SLC35F1: variants seen among roughly 807,000 people sequenced by gnomAD.
SLC35F1 encodes the protein chromosome 6 open reading frame 169.
Under a neutral mutation model 48.7 loss-of-function variants are expected in SLC35F1, and 14 were observed. The ratio of observed to expected loss-of-function variants is 0.29; its 90% CI spans 0.19 to 0.45. SLC35F1 has a LOEUF of 0.45. Ranked by LOEUF, SLC35F1 falls within the 20% of genes least tolerant of loss-of-function variation. SLC35F1 has a pLI of 1.00. For missense variants in SLC35F1, 404 were observed against 500.0 expected, an observed-to-expected ratio of 0.81 and a Z score of 1.83; for synonymous variants, 190 against 202.2, an observed-to-expected ratio of 0.94 and a Z score of 0.51.
At chr6:118,310,375 T>C (rs905311203) in intron 7 of SLC35F1, among the ~76,000 whole-genome samples, 3 of 152,224 alleles carry the variant, frequency 2.0e-5, no homozygotes, top group Non-Finnish European at 4.4e-5. Flanking sequence ...ACAATACTTT[T>C]GTCTGGTTGA....
intron 2 of SLC35F1, among the ~76,000 whole-genome samples, chr6:118,158,935 G>A (rs989833871): frequency 9.2e-5 from 14 of 152,058 alleles, no homozygotes; most frequent in Non-Finnish European, 1.6e-4. Context: ...TTTAAAAAAT[G>A]CTCGGCTGGG....
At chr6:118,060,814 T>G (rs1772526151) in intron 1 of SLC35F1, among the ~76,000 whole-genome samples, 2 of 152,230 alleles carry the variant, frequency 1.3e-5, no homozygotes, top group African/African-American at 4.8e-5. Context: ...GCTGCTCTTT[T>G]ACACGTTCTA....
At chr6:118,080,392 A>G (rs1772888399) in intron 1 of SLC35F1, among the ~76,000 whole-genome samples, 1 of 152,180 alleles carries the variant, frequency 6.6e-6, no homozygotes, top group Admixed American at 6.5e-5. Flanking sequence ...AGAGATTTTC[A>G]GTGTCCTTCT....
intron 1 of SLC35F1, among the ~76,000 whole-genome samples, chr6:118,033,477 T>C (rs1772082253): frequency 6.6e-6 from 1 of 152,196 alleles, no homozygotes; most frequent in African/African-American, 2.4e-5. Context: ...TATTCAACTA[T>C]GTTAGTTTTT....
chr6:117,920,505 C>T (rs1218969171), intron 1 of SLC35F1, among the ~76,000 whole-genome samples: 1 of 152,186 alleles, frequency 6.6e-6, no homozygotes, highest in Non-Finnish European at 1.5e-5. Flanking sequence ...ACGTCACAAC[C>T]AACCAAACAA....
intron 7 of SLC35F1, among the ~76,000 whole-genome samples, chr6:118,310,321 T>C (rs1036294416): frequency 6.6e-6 from 1 of 152,190 alleles, no homozygotes; most frequent in African/African-American, 2.4e-5. Flanking sequence ...CTTGGGGAGA[T>C]AGAAATAAGT....
intron 1 of SLC35F1, among the ~76,000 whole-genome samples, chr6:118,117,232 G>A (rs548084314): frequency 6.6e-6 from 1 of 152,282 alleles, no homozygotes; most frequent in East Asian, 1.9e-4. Flanking sequence ...TTTAAATATT[G>A]TCAACCTTAT....
At chr6:118,151,891 C>A (rs923269232) in intron 1 of SLC35F1, among the ~76,000 whole-genome samples, 1 of 151,954 alleles carries the variant, frequency 6.6e-6, no homozygotes, top group Non-Finnish European at 1.5e-5. Flanking sequence ...TTATTAATCA[C>A]CCCCTTTATT....
rs1775639338 is a variant in SLC35F1 at position 118,256,062 on chromosome 6, C to G, written c.478-10933C>G. Among the ~76,000 whole-genome samples the G allele has an allele frequency of 2.6e-5, 4 of 152,126 alleles. No individual in the cohort carries two copies. In the South Asian group the frequency reaches 8.3e-4, roughly 32 times the overall value. On this transcript the variant is annotated intron_variant, in intron 3 of 7. Coordinates refer to ENST00000360388, the MANE Select transcript of SLC35F1 (RefSeq NM_001029858.4). ...ATATACTACTCCCTGGAATTACACT[C>G]CTGGTCAGATTTTCAGATGCCTCTG...
intron 1 of SLC35F1, among the ~76,000 whole-genome samples, chr6:118,141,636 G>T (rs912407005): frequency 1.3e-5 from 2 of 152,130 alleles, no homozygotes; most frequent in African/African-American, 2.4e-5. Context: ...AGTTCTCTGG[G>T]ATCCTTTTTA....
At chr6:118,129,154 T>A (rs1773673017) in intron 1 of SLC35F1, among the ~76,000 whole-genome samples, 1 of 152,136 alleles carries the variant, frequency 6.6e-6, no homozygotes, top group South Asian at 2.1e-4. Context: ...GGTAAATAAG[T>A]AAGCAAATGA....
chr6:118,309,991 A>G lies in SLC35F1; in HGVS notation c.1003-4037A>G, dbSNP rs558519845. On this transcript the variant is annotated intron_variant, in intron 7 of 7. Transcript: ENST00000360388. ...CTGACCTGTGTTCTCAAAGAGATTC[A>G]TGAAGGTAGAAAAAGACAGCAGCAA... is the stretch of plus-strand genomic sequence containing the variant. Among the ~76,000 whole-genome samples the G allele has an allele frequency of 2.4e-4, 36 of 152,358 alleles. 1 individual carries two copies. The highest frequency in any genetic ancestry group is 2.1e-3 in the Admixed American group (32 of 15,302).
intron 1 of SLC35F1, among the ~76,000 whole-genome samples, chr6:118,042,535 C>T (rs773819327): frequency 2.6e-5 from 4 of 152,058 alleles, no homozygotes; most frequent in South Asian, 2.1e-4. Flanking sequence ...CCAAGATGAA[C>T]GTCAGAAACT....
chr6:118,085,859 C>A (rs1772982692), intron 1 of SLC35F1, among the ~76,000 whole-genome samples: 1 of 152,034 alleles, frequency 6.6e-6, no homozygotes, highest in South Asian at 2.1e-4. Flanking sequence ...TCCTGAAGGA[C>A]CTGTCCAGTC....
At chr6:118,070,078 G>C (rs1772677060) in intron 1 of SLC35F1, among the ~76,000 whole-genome samples, 1 of 144,012 alleles carries the variant, frequency 6.9e-6, no homozygotes, top group Non-Finnish European at 1.5e-5. Flanking sequence ...GGAGCTTGCA[G>C]TGAGCCGAGA....
rs375428162 is a variant in SLC35F1 at position 118,314,263 on chromosome 6, G to A, written c.*11G>A. ...GTTCGTGTGGCCTAGGGTGAGGCCC[G>A]CCCTGCCAACTGAGGCCAACTCATT... On this transcript the variant is annotated 3_prime_UTR_variant, in exon 8 of 8. Coordinates refer to ENST00000360388, the MANE Select transcript of SLC35F1 (RefSeq NM_001029858.4). The A allele has an allele frequency of 6.7e-5, 108 of 1,611,132 alleles. 1 individual carries two copies. Among genetic ancestry groups the A allele is most frequent in the South Asian group, 3.6e-4 (33 of 91,028 alleles).
intron 1 of SLC35F1, among the ~76,000 whole-genome samples, chr6:118,025,007 T>C (rs1331974706): frequency 6.6e-6 from 1 of 152,226 alleles, no homozygotes; most frequent in Non-Finnish European, 1.5e-5. Flanking sequence ...AGTTCTCATA[T>C]ACTCCCCACC....
chr6:118,249,793 C>G (rs1775550087), intron 3 of SLC35F1, among the ~76,000 whole-genome samples: 1 of 152,138 alleles, frequency 6.6e-6, no homozygotes, highest in African/African-American at 2.4e-5. Context: ...GGGGCCGTTT[C>G]TAATTCAAGA....
At position 117,992,508 on chromosome 6, in the gene SLC35F1, A is replaced by C. The variant is rs571552143; in HGVS notation, c.173+84609A>C. 2.3e-4 allele frequency among the ~76,000 whole-genome samples: 35 copies of C among 152,292 alleles called. 1 individual carries two copies. In the South Asian group the frequency reaches 7.0e-3, roughly 31 times the overall value. On this transcript the variant is annotated intron_variant, in intron 1 of 7. Coordinates refer to ENST00000360388, the MANE Select transcript of SLC35F1 (RefSeq NM_001029858.4). Reference sequence around the variant, plus strand: ...TTATCATTTGATAAACACGAAATCTATTCTTTGTCTCCTCAGCTAAGCAGG... The same window carrying C: ...TTATCATTTGATAAACACGAAATCTCTTCTTTGTCTCCTCAGCTAAGCAGG...
Sources: gnomAD v4.1 joint callset for allele counts (sites outside exome capture counted in the v4.1 genomes callset) on GRCh38, gnomAD v4.1.1 for gene constraint, MANE v1.5 for transcripts, NCBI Gene and HGNC (gene_info 2026-07-23, HGNC 2026-07-21) for gene names.